Variants in NSG1 observed in about 807,000 individuals in gnomAD.
NSG1 encodes the protein neuronal vesicle trafficking-associated protein 1.
Under a neutral mutation model 19.3 loss-of-function variants are expected in NSG1, and 9 were observed. The ratio of observed to expected loss-of-function variants is 0.47; its 90% CI spans 0.28 to 0.81. The LOEUF is 0.81. Among genes scored for constraint, NSG1 ranks in the 40% least tolerant of loss-of-function variants. The probability of loss-of-function intolerance (pLI) is 0.11; values close to 1 mark genes in which losing one functional copy is unlikely to be tolerated. For synonymous variants in NSG1, 104 were observed against 107.0 expected (o/e 0.97, Z 0.17); for missense variants, 236 against 242.4 (o/e 0.97, Z 0.18).
chr4:4,390,748 C>T (rs563416283), intron 2 of NSG1, among the ~76,000 whole-genome samples: 4 of 152,300 alleles, frequency 2.6e-5, no homozygotes, highest in East Asian at 1.9e-4. Context: ...ATGAAGGCAG[C>T]GCCGCTGAGG....
intron 3 of NSG1, among the ~76,000 whole-genome samples, chr4:4,405,597 CCT>C (rs1723810073): frequency 6.6e-6 from 1 of 152,102 alleles, no homozygotes. Flanking sequence ...GGCCCGTGGC[CCT>C]CTCTCTCCTT....
chr4:4,415,840 A>C, intron 4 of NSG1: 1 of 450,524 alleles, frequency 2.2e-6, no homozygotes, highest in Non-Finnish European at 4.0e-6. Flanking sequence ...GCAGATGGAG[A>C]GGACAGCGTG....
chr4:4,416,800 C>T (rs1319204112), intron 4 of NSG1, among the ~76,000 whole-genome samples: 2 of 152,150 alleles, frequency 1.3e-5, no homozygotes, highest in African/African-American at 4.8e-5. Context: ...GAGTGCTGCC[C>T]CTCCCTCATC....
chr4:4,410,636 C>T (rs866766390), intron 4 of NSG1, among the ~76,000 whole-genome samples: 10 of 152,140 alleles, frequency 6.6e-5, no homozygotes, highest in African/African-American at 2.2e-4. Context: ...ACGCATGGTC[C>T]ACCTGAATAG....
At chr4:4,402,875 ACTGT>A (rs1299102996) in intron 3 of NSG1, among the ~76,000 whole-genome samples, 2 of 152,178 alleles carry the variant, frequency 1.3e-5, no homozygotes, top group African/African-American at 4.8e-5. Flanking sequence ...GGAATCAGAC[ACTGT>A]CTATCAACCC....
At chr4:4,393,326 C>T (rs1357097532) in intron 3 of NSG1, among the ~76,000 whole-genome samples, 2 of 152,220 alleles carry the variant, frequency 1.3e-5, no homozygotes, top group Admixed American at 6.5e-5. Flanking sequence ...TTCATTTGCA[C>T]TTTTCCCACA....
rs370604577 is a variant in NSG1, at chr4:4,416,992, C to T, written c.358-243C>T. On this transcript the variant is annotated intron_variant, in intron 4 of 4. Coordinates refer to ENST00000621129, the MANE Select transcript of NSG1 (RefSeq NM_014392.5). The stretch of plus-strand genomic sequence containing the variant: ...GGCCTGCTGTCCCATTACACTGGCA[C>T]CCTTGGAGCCCAAGTGCCCATCTGC... Among the ~76,000 whole-genome samples the T allele has an allele frequency of 3.3e-5, 5 of 152,340 alleles. No homozygotes were observed. The East Asian group carries it at 9.7e-4, about 29-fold the overall frequency.
intron 3 of NSG1, among the ~76,000 whole-genome samples, chr4:4,402,003 C>T (rs1011335555): frequency 7.3e-5 from 11 of 151,600 alleles, no homozygotes; most frequent in Non-Finnish European, 1.6e-4. Context: ...AAATCAGCCT[C>T]CTGAGCAGCT....
chr4:4,395,563 A>T (rs1159907414), intron 3 of NSG1, among the ~76,000 whole-genome samples: 1 of 152,130 alleles, frequency 6.6e-6, no homozygotes, highest in African/African-American at 2.4e-5. Context: ...AAACGGGAGC[A>T]TATGGGGAGC....
At chr4:4,402,401 T>C (rs1723606647) in intron 3 of NSG1, among the ~76,000 whole-genome samples, 1 of 53,146 alleles carries the variant, frequency 1.9e-5, no homozygotes, top group Non-Finnish European at 3.9e-5. Context: ...TTTTTTTTTT[T>C]TTTTGAGACG....
At chr4:4,405,470 A>G (rs1723802491) in intron 3 of NSG1, among the ~76,000 whole-genome samples, 1 of 152,134 alleles carries the variant, frequency 6.6e-6, no homozygotes, top group African/African-American at 2.4e-5. Flanking sequence ...GTCAGGGTGT[A>G]AGGCATGGTT....
chr4:4,391,361 G>GTGAA (rs2108724179), intron 2 of NSG1, 114 bp from the exon 3 acceptor site: 1 of 685,586 alleles, frequency 1.5e-6, no homozygotes, highest in East Asian at 2.6e-5. Context: ...TCTCGTTCTT[G>GTGAA]TGAATTTCTT....
chr4:4,409,704 A>C, intron 4 of NSG1, 21 bp downstream of exon 4: 1 of 1,593,266 alleles, frequency 6.3e-7, no homozygotes, highest in South Asian at 1.1e-5. Context: ...GTTTTCCCCC[A>C]GAGGCCCTGG....
intron 3 of NSG1, among the ~76,000 whole-genome samples, chr4:4,397,471 G>C (rs1456694641): frequency 1.3e-5 from 2 of 152,224 alleles, no homozygotes; most frequent in African/African-American, 4.8e-5. Context: ...TGCCAGTGGG[G>C]TGTGCAGGGC....
intron 3 of NSG1, among the ~76,000 whole-genome samples, chr4:4,401,911 C>T (rs569564168): frequency 3.3e-5 from 5 of 152,188 alleles, no homozygotes; most frequent in African/African-American, 1.2e-4. Context: ...GACAGGGCCT[C>T]GCTTTGTCAC....
chr4:4,407,873 C>G (rs1444482470), intron 3 of NSG1, among the ~76,000 whole-genome samples: 1 of 152,032 alleles, frequency 6.6e-6, no homozygotes, highest in Non-Finnish European at 1.5e-5. Flanking sequence ...GAATCTGCAC[C>G]CTGGGCCCTG....
At chr4:4,395,807 AGTG>A (rs1336079860) in intron 3 of NSG1, among the ~76,000 whole-genome samples, 1 of 152,198 alleles carries the variant, frequency 6.6e-6, no homozygotes, top group Non-Finnish European at 1.5e-5. Context: ...CCGATCTTGA[AGTG>A]ACAGGTAAAT....
Position 4,417,360 on chromosome 4 carries a change from A to G in NSG1, c.483A>G (p.Val161=), listed in dbSNP as rs201330502. 3.1e-6 allele frequency: 5 copies of G among 1,614,210 alleles called. No homozygotes were observed. Among genetic ancestry groups the G allele is most frequent in the Non-Finnish European group, 4.2e-6 (5 of 1,180,044 alleles). The change falls in exon 5 of 5, where the codon GTA becomes GTG. Residue 161 remains valine, a synonymous_variant. Transcript: ENST00000621129. ...NLAKQSITRS[V]SPWMSVLSEE... The stretch of plus-strand genomic sequence containing the variant: ...CCAAGCAGAGCATCACGCGCTCCGT[A>G]TCGCCCTGGATGTCAGTTCTGTCAG...
chr4:4,415,882 T>G, intron 4 of NSG1: 1 of 545,374 alleles, frequency 1.8e-6, no homozygotes, highest in Non-Finnish European at 3.3e-6. Context: ...GGAGGGGAGT[T>G]TGTCTGGCCT....
Sources: allele counts gnomAD v4.1 joint callset (sites outside exome capture counted in the v4.1 genomes callset), GRCh38; gene constraint gnomAD v4.1.1; transcripts MANE v1.5; gene names NCBI Gene and HGNC (gene_info 2026-07-23, HGNC 2026-07-21).